The following NBEA variants were observed in gnomAD, a reference collection of about 807,000 sequenced individuals.
The protein encoded by NBEA is neurobeachin, also known as lysosomal-trafficking regulator 2.
In NBEA, 44 loss-of-function variants were observed where a neutral mutation model predicts 343.4. The ratio of observed to expected loss-of-function variants is 0.13; its 90% confidence interval spans 0.10 to 0.16. The LOEUF is 0.16. Ranked by LOEUF, NBEA falls within the 10% of genes least tolerant of loss-of-function variation. NBEA has a pLI of 1.00. For missense variants in NBEA, 2,555 were observed against 3,631.3 expected (o/e 0.70, Z 7.62); for synonymous variants, 1,175 against 1,238.7 (o/e 0.95, Z 1.08).
intron 8 of NBEA, among the ~76,000 whole-genome samples, chr13:35,069,522 G>C (rs943519151): frequency 6.6e-6 from 1 of 151,950 alleles, no homozygotes; most frequent in Admixed American, 6.6e-5. Flanking sequence ...TTCTCTATAA[G>C]TAATTCATGT....
At chr13:35,041,345 ATACT>A (rs1245045070) in intron 2 of NBEA, among the ~76,000 whole-genome samples, 181 bp downstream of exon 2, 2 of 152,134 alleles carry the variant, frequency 1.3e-5, no homozygotes, top group Non-Finnish European at 2.9e-5. Flanking sequence ...GAAGAAAAAC[ATACT>A]TACTATAGTA....
intron 39 of NBEA, among the ~76,000 whole-genome samples, chr13:35,449,057 G>A (rs1272158947): frequency 1.3e-5 from 2 of 152,176 alleles, no homozygotes; most frequent in South Asian, 2.1e-4. Context: ...GTATGTGAAA[G>A]CATGACATAT....
At chr13:35,460,814 A>G (rs1345894578) in intron 40 of NBEA, among the ~76,000 whole-genome samples, 2 of 152,236 alleles carry the variant, frequency 1.3e-5, no homozygotes, top group Non-Finnish European at 2.9e-5. Context: ...CTGAAACTGG[A>G]CAACTTATAA....
chr13:35,119,923 A>T (rs1320044147), intron 16 of NBEA, among the ~76,000 whole-genome samples: 1 of 152,140 alleles, frequency 6.6e-6, no homozygotes. Flanking sequence ...AGCTATATGA[A>T]ACTGTTGATA....
At position 35,573,010 on chromosome 13, in the gene NBEA, T is replaced by C. The variant is rs2080516324; in HGVS notation, c.7035+5993T>C. ...ATGATACAAAACTAAAAGATAAAAG[T>C]GTAAATGTGTAAATATAATTATATA... is the stretch of plus-strand genomic sequence containing the variant. On this transcript the variant is annotated intron_variant, in intron 45 of 58. Transcript: ENST00000379939. Among the ~76,000 whole-genome samples, 4 of 152,136 alleles carry C rather than the reference T, an allele frequency of 2.6e-5. No homozygotes were observed. The South Asian group carries it at 8.3e-4, about 31-fold the overall frequency.
intron 25 of NBEA, chr13:35,171,019 TA>T (rs2070419977): frequency 1.8e-6 from 1 of 566,824 alleles, no homozygotes; most frequent in Non-Finnish European, 3.3e-6. Context: ...ATGTCATTTT[TA>T]TAACTAAAGA....
At chr13:35,383,558 G>C (rs2042106539) in intron 38 of NBEA, among the ~76,000 whole-genome samples, 1 of 152,042 alleles carries the variant, frequency 6.6e-6, no homozygotes, top group Non-Finnish European at 1.5e-5. Flanking sequence ...CTTTTAGATT[G>C]AGAAGAAAAG....
At chr13:35,594,599 G>A (rs116747358) in intron 47 of NBEA, among the ~76,000 whole-genome samples, 3 of 151,866 alleles carry the variant, frequency 2.0e-5, no homozygotes, top group South Asian at 2.1e-4. Context: ...AAGTTCTAAC[G>A]GTCTTACAAC....
rs1355292275 is a variant in NBEA, at chr13:35,432,255, C to T, written c.6180-14C>T. The stretch of plus-strand genomic sequence containing the variant: ...GTTATTAATAGGGATTACTTTTTTT[C>T]CCTCTACTCTTAGCCAATTGCATGA... On this transcript the variant is annotated splice_polypyrimidine_tract_variant and intron_variant, in intron 38 of 58. Transcript: ENST00000379939. 5.1e-6 allele frequency: 8 copies of T among 1,575,178 alleles called. No homozygotes were observed. Among genetic ancestry groups the T allele is most frequent in the African/African-American group, 2.7e-5 (2 of 73,664 alleles).
In NBEA at chr13:35,432,275, G is replaced by A. The variant is rs1020947425; in HGVS notation, c.6186G>A (p.Leu2062=). 5.6e-6 allele frequency: 9 copies of A among 1,598,318 alleles called. No individual in the cohort carries two copies. The highest frequency in any genetic ancestry group is 2.2e-5 in the East Asian group (1 of 44,458). Residue 2062 remains leucine, a synonymous_variant, in exon 39 of 59, where the codon TTG becomes TTA. Transcript: ENST00000379939. ...GAWGAVSHSQ[L]HDFWRLDYWE... ...TTTTTCCCTCTACTCTTAGCCAATT[G>A]CATGATTTCTGGCGTTTGGATTACT...
chr13:34,996,619 G>A (rs1392911284), intron 1 of NBEA, among the ~76,000 whole-genome samples: 1 of 152,072 alleles, frequency 6.6e-6, no homozygotes, highest in Non-Finnish European at 1.5e-5. Flanking sequence ...CGTAATGTAA[G>A]AACCATCCAT....
At chr13:35,510,390 C>A (rs1269414604) in intron 41 of NBEA, among the ~76,000 whole-genome samples, 3 of 152,082 alleles carry the variant, frequency 2.0e-5, no homozygotes, top group African/African-American at 7.2e-5. Flanking sequence ...ATATTAAATA[C>A]CTTAGTGTCC....
At position 35,007,861 on chromosome 13, in the gene NBEA, C is replaced by T. The variant is rs73487640; in HGVS notation, c.295-33072C>T. On this transcript the variant is annotated intron_variant, in intron 1 of 58. Transcript: ENST00000379939. ...GGTTCTGATAACTTCATTATCTAGTCATTTGTGTATCTGCTTCATTATCTA... is the reference window on the plus strand; with the variant it reads ...GGTTCTGATAACTTCATTATCTAGTTATTTGTGTATCTGCTTCATTATCTA... Among the ~76,000 whole-genome samples, 970 of 152,194 alleles carry T rather than the reference C, an allele frequency of 6.4e-3. 11 individuals are homozygous for T. Among genetic ancestry groups the T allele is most frequent in the African/African-American group, 0.022 (929 of 41,540 alleles).
intron 53 of NBEA, among the ~76,000 whole-genome samples, chr13:35,652,356 A>C (rs2153080038): frequency 1.3e-5 from 2 of 150,950 alleles, no homozygotes; most frequent in East Asian, 2.0e-4. Flanking sequence ...AAAAAAAAAA[A>C]AGGGCCGGGC....
chr13:35,320,996 G>GT (rs1490847922), intron 36 of NBEA, among the ~76,000 whole-genome samples: 1 of 151,822 alleles, frequency 6.6e-6, no homozygotes, highest in South Asian at 2.1e-4. Context: ...TTCCTCCAAC[G>GT]TTTTTTTCGA....
chr13:35,542,097 A>G (rs1425658512), intron 41 of NBEA, among the ~76,000 whole-genome samples: 1 of 152,044 alleles, frequency 6.6e-6, no homozygotes, highest in Non-Finnish European at 1.5e-5. Context: ...TATTAAATCA[A>G]AAGTTCTCTA....
chr13:35,520,188 G>C (rs1274322226), intron 41 of NBEA, among the ~76,000 whole-genome samples: 2 of 152,194 alleles, frequency 1.3e-5, no homozygotes, highest in Non-Finnish European at 2.9e-5. Context: ...ACCTCCTGCT[G>C]TAAAGCCCAG....
At chr13:35,522,464 G>A (rs2077762165) in intron 41 of NBEA, among the ~76,000 whole-genome samples, 1 of 65,064 alleles carries the variant, frequency 1.5e-5, no homozygotes. Flanking sequence ...AACAAAGCAA[G>A]ATACCATCTC....
intron 36 of NBEA, among the ~76,000 whole-genome samples, chr13:35,347,326 TA>T (rs2039936945): frequency 3.3e-5 from 5 of 152,044 alleles, no homozygotes; most frequent in South Asian, 4.1e-4. Flanking sequence ...AAAGTTGATA[TA>T]TTTCATTAAT....
Sources: allele counts gnomAD v4.1 joint callset (sites outside exome capture counted in the v4.1 genomes callset), GRCh38; gene constraint gnomAD v4.1.1; transcripts MANE v1.5; gene names NCBI Gene and HGNC (gene_info 2026-07-23, HGNC 2026-07-21).